Variants in SEC63 observed in about 807,000 individuals in gnomAD.
SEC63 encodes the protein SEC63 protein translocation regulator.
A neutral mutation model predicts 116.2 loss-of-function variants in SEC63; 56 were observed. The ratio of observed to expected loss-of-function variants is 0.48; its 90% confidence interval spans 0.39 to 0.60. The LOEUF (loss-of-function observed/expected upper bound fraction) is 0.60. Ranked by LOEUF, SEC63 falls within the 20% of genes least tolerant of loss-of-function variation. The probability of loss-of-function intolerance (pLI) is 0.00; values close to 1 mark genes in which losing one functional copy is unlikely to be tolerated. For synonymous variants in SEC63, 273 were observed against 294.6 expected (o/e 0.93, Z 0.75); for missense variants, 668 against 900.0 (o/e 0.74, Z 3.30).
intron 1 of SEC63, among the ~76,000 whole-genome samples, chr6:107,953,802 G>C (rs7775553): frequency 4.7e-5 from 5 of 106,978 alleles, no homozygotes; most frequent in African/African-American, 1.7e-4. Context: ...GTGGGGGTGT[G>C]AGCCCCCCGC....
intron 1 of SEC63, among the ~76,000 whole-genome samples, chr6:107,943,138 C>T (rs1195537607): frequency 2.0e-5 from 3 of 152,172 alleles, no homozygotes; most frequent in Non-Finnish European, 2.9e-5. Flanking sequence ...TAGCGTCACA[C>T]GATGTTTTAA....
chr6:107,943,747 AGT>A (rs1267293181), intron 1 of SEC63, among the ~76,000 whole-genome samples: 11 of 152,144 alleles, frequency 7.2e-5, no homozygotes, highest in South Asian at 2.1e-4. Context: ...AGACTGAAAG[AGT>A]GTGTTTCACT....
intron 12 of SEC63, 95 bp downstream of exon 12, chr6:107,902,749 T>G: frequency 2.6e-6 from 3 of 1,163,246 alleles, no homozygotes; most frequent in Non-Finnish European, 3.8e-6. Context: ...ATCTAAAAAA[T>G]GCATAGTAAC....
At chr6:107,894,028 G>T in intron 14 of SEC63, 131 bp from the exon 15 acceptor site, 1 of 939,546 alleles carries the variant, frequency 1.1e-6, no homozygotes, top group Non-Finnish European at 1.7e-6. Flanking sequence ...AGAAGGAGAC[G>T]TTTAGCAATT....
At chr6:107,881,348 T>G (rs1786411433) in intron 17 of SEC63, 98 bp from the exon 18 acceptor site, 1 of 808,470 alleles carries the variant, frequency 1.2e-6, no homozygotes, top group Non-Finnish European at 2.1e-6. Flanking sequence ...ATTAACTACT[T>G]AGGATTAGAA....
Position 107,958,024 on chromosome 6 carries a change from C to T in SEC63, c.-15G>A. On this transcript the variant is annotated 5_prime_UTR_variant, in exon 1 of 21. Coordinates refer to ENST00000369002, the MANE Select transcript of SEC63 (RefSeq NM_007214.5). ...TGCCCGGCCATGGCACCCCCTCCTC[C>T]GCCTCGCTCTTCTCACCGCCGCCGC... 1 of 1,612,910 alleles carries T rather than the reference C, an allele frequency of 6.2e-7. No individual in the cohort carries two copies. The highest frequency in any genetic ancestry group is 8.5e-7 in the Non-Finnish European group (1 of 1,179,304).
chr6:107,921,453 CTTT>C (rs34843868), intron 4 of SEC63, among the ~76,000 whole-genome samples: 1 of 145,414 alleles, frequency 6.9e-6, no homozygotes, highest in East Asian at 2.0e-4. Context: ...GAAAACTATC[CTTT>C]TTTTTTTTTT....
intron 16 of SEC63, among the ~76,000 whole-genome samples, chr6:107,883,730 C>A (rs1786464438): frequency 6.6e-6 from 1 of 151,008 alleles, no homozygotes; most frequent in South Asian, 2.1e-4. Flanking sequence ...TCATTTGAGC[C>A]CAGGAGTTTA....
At chr6:107,893,347 A>T in intron 16 of SEC63, 135 bp downstream of exon 16, 1 of 758,798 alleles carries the variant, frequency 1.3e-6, no homozygotes, top group Non-Finnish European at 2.2e-6. Context: ...GACTGAGAAG[A>T]GCACAAGGGA....
intron 16 of SEC63, among the ~76,000 whole-genome samples, chr6:107,885,834 A>G (rs1487981970): frequency 6.6e-6 from 1 of 152,090 alleles, no homozygotes; most frequent in Non-Finnish European, 1.5e-5. Context: ...TAGAGTCCAT[A>G]AACAGACCTA....
intron 1 of SEC63, among the ~76,000 whole-genome samples, chr6:107,945,932 GTTTA>G (rs894087782): frequency 1.2e-4 from 18 of 151,796 alleles, no homozygotes; most frequent in East Asian, 7.8e-4. Context: ...TTGTTTGTTT[GTTTA>G]TTTATTTATT....
rs762291373 is a variant in SEC63 at position 107,883,154 on chromosome 6, G to A, written c.1675-8C>T. 1.9e-6 allele frequency: 3 copies of A among 1,610,984 alleles called. No individual in the cohort carries two copies. Among genetic ancestry groups the A allele is most frequent in the Non-Finnish European group, 2.5e-6 (3 of 1,179,556 alleles). ...TTCCTTTACTGCAGCTTCCTAAAAG[G>A]GAAAGGCAAACACAAAGATTCTGCA... On this transcript the variant is annotated splice_region_variant and splice_polypyrimidine_tract_variant and intron_variant, in intron 16 of 20. Coordinates refer to ENST00000369002, the MANE Select transcript of SEC63 (RefSeq NM_007214.5).
chr6:107,940,662 A>G (rs1770356293), intron 1 of SEC63, among the ~76,000 whole-genome samples: 1 of 152,090 alleles, frequency 6.6e-6, no homozygotes, highest in Non-Finnish European at 1.5e-5. Flanking sequence ...TACAGACGGT[A>G]CATGAAAAGC....
chr6:107,880,996 G>A lies in SEC63; in HGVS notation c.1935+153C>T, dbSNP rs190819718. On this transcript the variant is annotated intron_variant, in intron 18 of 20. Coordinates refer to ENST00000369002, the MANE Select transcript of SEC63 (RefSeq NM_007214.5). ...ACGTTCACTAAGTATAATACCTATT[G>A]TAATATTCCCTTTTAAAAATATGGC... The A allele has an allele frequency of 4.0e-4, 256 of 647,056 alleles. 5 individuals carry two copies. Among genetic ancestry groups the A allele is most frequent in the South Asian group, 3.8e-3 (234 of 61,506 alleles). 40.1% of individuals were successfully genotyped at this position (647,056 alleles called of 1,614,324 possible). A position where few individuals can be genotyped will look rare whatever the true frequency, so the allele number is the denominator to read the frequency against.
chr6:107,878,469 G>A (rs1786332361), intron 18 of SEC63, among the ~76,000 whole-genome samples: 1 of 152,168 alleles, frequency 6.6e-6, no homozygotes, highest in African/African-American at 2.4e-5. Flanking sequence ...ACAGGATTAT[G>A]TTAAAGATTA....
At position 107,870,570 on chromosome 6, in the gene SEC63, C is replaced by G. The variant is rs1261963732; in HGVS notation, c.*1134G>C. On this transcript the variant is annotated 3_prime_UTR_variant, in exon 21 of 21. Transcript: ENST00000369002. Reference sequence around the variant, plus strand: ...GATTCATCATGTACACATCTCTACTCTTTACAAGCACTATCCTTCCAGTTG... The same window carrying G: ...GATTCATCATGTACACATCTCTACTGTTTACAAGCACTATCCTTCCAGTTG... The G allele has an allele frequency of 6.6e-6, 1 of 152,262 alleles. No homozygotes were observed. Among genetic ancestry groups the G allele is most frequent in the Admixed American group, 6.5e-5 (1 of 15,272 alleles). The allele number at this position is 152,262 out of a possible 1,614,324, so 9.4% of individuals were successfully genotyped here. A position where few individuals can be genotyped will look rare whatever the true frequency, so the allele number is the denominator to read the frequency against.
chr6:107,939,927 T>C (rs1770338669), intron 1 of SEC63, among the ~76,000 whole-genome samples: 2 of 152,308 alleles, frequency 1.3e-5, no homozygotes, highest in Middle Eastern at 3.4e-3. Flanking sequence ...TCTTAATCAT[T>C]ATGCTCTTAA....
intron 13 of SEC63, among the ~76,000 whole-genome samples, chr6:107,900,478 C>T (rs989100335): frequency 5.3e-5 from 8 of 152,082 alleles, no homozygotes; most frequent in Admixed American, 4.6e-4. Context: ...GCTGTCTCTA[C>T]TAAAATTACA....
At position 107,952,383 on chromosome 6, in the gene SEC63, T is replaced by A. The variant is rs184342871; in HGVS notation, c.124+5503A>T. On this transcript the variant is annotated intron_variant, in intron 1 of 20. Transcript: ENST00000369002. ...GAGCCCACTAATTCCAAAACAGCCA[T>A]GCTGAAACGACTGTCAACCTTAAAA... Among the ~76,000 whole-genome samples the A allele has an allele frequency of 3.7e-3, 558 of 152,268 alleles. 1 individual carries two copies. Among genetic ancestry groups the A allele is most frequent in the Non-Finnish European group, 6.2e-3 (420 of 68,020 alleles).
Sources: gnomAD v4.1 joint callset for allele counts (sites outside exome capture counted in the v4.1 genomes callset) on GRCh38, gnomAD v4.1.1 for gene constraint, MANE v1.5 for transcripts, NCBI Gene and HGNC (gene_info 2026-07-23, HGNC 2026-07-21) for gene names.